The following ARHGAP24 variants were observed in gnomAD, a reference collection of about 807,000 sequenced individuals.
ARHGAP24 encodes the protein rho GTPase-activating protein 24.
A neutral mutation model predicts 76.4 loss-of-function variants in ARHGAP24; 50 were observed. The ratio of observed to expected loss-of-function variants is 0.65; its 90% CI spans 0.52 to 0.83. The LOEUF (loss-of-function observed/expected upper bound fraction) is 0.83. ARHGAP24 is among the 40% of genes least tolerant of loss of function. The pLI, the probability that ARHGAP24 is intolerant of heterozygous loss-of-function variation, is 0.00. For missense variants in ARHGAP24, 930 were observed against 914.2 expected (o/e 1.02, Z -0.22); for synonymous variants, 345 against 323.3 (o/e 1.07, Z -0.72).
chr4:85,830,187 CTAAGTTCT>C (rs1389661871), intron 3 of ARHGAP24, among the ~76,000 whole-genome samples: 1 of 152,234 alleles, frequency 6.6e-6, no homozygotes, highest in Non-Finnish European at 1.5e-5. Flanking sequence ...TATAAACTCA[CTAAGTTCT>C]TCATTTGCTG....
chr4:85,489,108 T>G (rs1024899052), intron 1 of ARHGAP24, among the ~76,000 whole-genome samples: 11 of 152,218 alleles, frequency 7.2e-5, no homozygotes, highest in African/African-American at 2.7e-4. Flanking sequence ...ACATCAGAAT[T>G]GTACATTATT....
At chr4:85,861,490 T>C (rs1386880356) in intron 3 of ARHGAP24, among the ~76,000 whole-genome samples, 2 of 152,112 alleles carry the variant, frequency 1.3e-5, no homozygotes, top group Admixed American at 6.6e-5. Context: ...CCTCCACTAT[T>C]GCTTTGTAAA....
Position 85,923,590 on chromosome 4 carries a change from C to T in ARHGAP24, c.269-58C>T, listed in dbSNP as rs531652493. The T allele has an allele frequency of 6.9e-5, 111 of 1,610,154 alleles. No homozygotes were observed. In the East Asian group the frequency reaches 1.7e-3, roughly 25 times the overall value. ...TCTGTTTCAGGGGTTCTTCTGGAGGCTGATCATGAGGAATCTCTGGATGCA... is the reference window on the plus strand; with the variant it reads ...TCTGTTTCAGGGGTTCTTCTGGAGGTTGATCATGAGGAATCTCTGGATGCA... On this transcript the variant is annotated intron_variant, in intron 3 of 9. Coordinates refer to ENST00000395184, the MANE Select transcript of ARHGAP24 (RefSeq NM_001025616.3).
chr4:85,729,419 C>A (rs576446469), intron 3 of ARHGAP24, among the ~76,000 whole-genome samples: 167 of 152,254 alleles, frequency 1.1e-3, no homozygotes, highest in Non-Finnish European at 1.6e-3. Context: ...TAACATGGTA[C>A]AAAGAACGTT....
chr4:85,983,134 C>T (rs979097196), intron 8 of ARHGAP24, among the ~76,000 whole-genome samples: 1 of 152,128 alleles, frequency 6.6e-6, no homozygotes, highest in Non-Finnish European at 1.5e-5. Flanking sequence ...CAAAGTATTC[C>T]GTGATGTATA....
rs187575570 is a variant in ARHGAP24 at position 85,608,673 on chromosome 4, T to G, written c.180+37952T>G. The stretch of plus-strand genomic sequence containing the variant: ...TCCTAGTTCAAGCAATTCCCCTGCC[T>G]CAGCCTCCTGAGTAGCAGGGATTAT... On this transcript the variant is annotated intron_variant, in intron 2 of 9. Coordinates refer to ENST00000395184, the MANE Select transcript of ARHGAP24 (RefSeq NM_001025616.3). Among the ~76,000 whole-genome samples the G allele has an allele frequency of 8.2e-5, 12 of 146,450 alleles. 1 individual carries two copies. The East Asian group carries it at 2.7e-3, about 33-fold the overall frequency.
intron 3 of ARHGAP24, among the ~76,000 whole-genome samples, chr4:85,850,204 C>A (rs2110160969): frequency 6.6e-6 from 1 of 152,228 alleles, no homozygotes; most frequent in South Asian, 2.1e-4. Context: ...GGAATTTATC[C>A]ATTTCTTCTA....
chr4:85,720,390 T>C (rs1288785603), intron 2 of ARHGAP24, among the ~76,000 whole-genome samples: 1 of 152,182 alleles, frequency 6.6e-6, no homozygotes, highest in Non-Finnish European at 1.5e-5. Context: ...TAGAGATACA[T>C]AGTAGAGATA....
intron 2 of ARHGAP24, among the ~76,000 whole-genome samples, chr4:85,708,709 C>T (rs1422050869): frequency 1.3e-5 from 2 of 152,164 alleles, no homozygotes; most frequent in Non-Finnish European, 2.9e-5. Context: ...CATCCGCTTC[C>T]TGACAACCCC....
chr4:85,538,755 T>TC (rs1280261488), intron 1 of ARHGAP24, among the ~76,000 whole-genome samples: 17 of 152,320 alleles, frequency 1.1e-4, no homozygotes, highest in South Asian at 4.1e-4. Flanking sequence ...GATCTTGGTA[T>TC]CAGTATAGAG....
chr4:85,537,167 T>A (rs2110120368), intron 1 of ARHGAP24, among the ~76,000 whole-genome samples: 1 of 152,254 alleles, frequency 6.6e-6, no homozygotes, highest in Admixed American at 6.5e-5. Flanking sequence ...GACAAGCACC[T>A]ATTGAGCACC....
intron 3 of ARHGAP24, among the ~76,000 whole-genome samples, chr4:85,782,063 GAAA>G (rs71672794): frequency 5.0e-5 from 1 of 20,116 alleles, no homozygotes; most frequent in Admixed American, 7.9e-4. Context: ...AAAAAAAAAA[GAAA>G]AAAAAAACAA....
At chr4:85,481,994 C>T (rs1173065222) in intron 1 of ARHGAP24, among the ~76,000 whole-genome samples, 1 of 152,086 alleles carries the variant, frequency 6.6e-6, no homozygotes, top group Non-Finnish European at 1.5e-5. Context: ...TGAGGAGATA[C>T]CTAGAGAAGA....
At chr4:85,797,564 C>T (rs1267620507) in intron 3 of ARHGAP24, among the ~76,000 whole-genome samples, 1 of 152,214 alleles carries the variant, frequency 6.6e-6, no homozygotes, top group Non-Finnish European at 1.5e-5. Context: ...TCTAAATATT[C>T]AAATGATGTT....
chr4:85,975,717 A>G (rs1739281258), intron 7 of ARHGAP24: 1 of 152,236 alleles, frequency 6.6e-6, no homozygotes, highest in South Asian at 2.1e-4. Context: ...GGTGTCTTAC[A>G]TGATAGCTTC....
intron 3 of ARHGAP24, among the ~76,000 whole-genome samples, chr4:85,743,385 C>A (rs182968877): frequency 0.017 from 1,848 of 107,666 alleles, 55 homozygotes; most frequent in African/African-American, 0.065. Flanking sequence ...AAGGCGGGAT[C>A]CCATCTCAAA....
intron 6 of ARHGAP24, 92 bp downstream of exon 6, chr4:85,972,260 C>A: frequency 6.6e-7 from 1 of 1,518,570 alleles, no homozygotes; most frequent in Non-Finnish European, 9.0e-7. Context: ...ATTGCCCTAT[C>A]CCGGTGTTAC....
chr4:85,942,013 CA>C, intron 4 of ARHGAP24, 52 bp from the exon 5 acceptor site: 1 of 1,560,066 alleles, frequency 6.4e-7, no homozygotes, highest in South Asian at 1.1e-5. Context: ...ACAACAACAA[CA>C]AAGTGGGAAG....
At chr4:85,626,476 C>T (rs983153500) in intron 2 of ARHGAP24, among the ~76,000 whole-genome samples, 9 of 99,202 alleles carry the variant, frequency 9.1e-5, no homozygotes, top group Non-Finnish European at 1.4e-4. Context: ...GTGGATAACC[C>T]GACCTTTCTC....
Sources: gnomAD v4.1 joint callset for allele counts (sites outside exome capture counted in the v4.1 genomes callset) on GRCh38, gnomAD v4.1.1 for gene constraint, MANE v1.5 for transcripts, NCBI Gene and HGNC (gene_info 2026-07-23, HGNC 2026-07-21) for gene names.